Variants in TRPM3 observed in about 807,000 individuals in gnomAD.
The protein encoded by TRPM3 is long transient receptor potential channel 3.
TRPM3 carries 77 observed loss-of-function variants against 181.2 expected under a neutral mutation model. The ratio of observed to expected loss-of-function variants is 0.42; its 90% CI spans 0.35 to 0.51. The LOEUF (loss-of-function observed/expected upper bound fraction) is 0.51, where lower values mean the gene tolerates loss of function less well. TRPM3 is among the 20% of genes least tolerant of loss of function. The pLI is 0.01. For synonymous variants in TRPM3, 745 were observed against 796.4 expected, an observed-to-expected ratio of 0.94 and a Z score of 1.09; for missense variants, 1,759 against 2,196.7, an observed-to-expected ratio of 0.80 and a Z score of 3.98.
intron 1 of TRPM3, among the ~76,000 whole-genome samples, chr9:70,951,758 T>G (rs2133703257): frequency 6.6e-6 from 1 of 152,218 alleles, no homozygotes; most frequent in Non-Finnish European, 1.5e-5. Context: ...AATGCTTGAG[T>G]TTCTGTACTA....
intron 1 of TRPM3, among the ~76,000 whole-genome samples, chr9:71,181,895 T>A (rs904557019): frequency 6.6e-6 from 1 of 152,088 alleles, no homozygotes; most frequent in Admixed American, 6.6e-5. Flanking sequence ...AATCACCTGG[T>A]ATGTTCATTA....
intron 1 of TRPM3, among the ~76,000 whole-genome samples, chr9:70,993,784 CAA>C (rs745913831): frequency 1.0e-4 from 7 of 66,752 alleles, no homozygotes; most frequent in Admixed American, 7.9e-4. Context: ...GATTCCATCT[CAA>C]AAAAAAAAAA....
At chr9:70,953,670 CCCACCAGGTT>C (rs1396644945) in intron 1 of TRPM3, among the ~76,000 whole-genome samples, 1 of 152,064 alleles carries the variant, frequency 6.6e-6, no homozygotes, top group Non-Finnish European at 1.5e-5. Context: ...ACTATCCCTC[CCCACCAGGTT>C]CCAAAGGTAA....
chr9:71,148,751 CA>C (rs2075570494), intron 1 of TRPM3, among the ~76,000 whole-genome samples: 1 of 152,108 alleles, frequency 6.6e-6, no homozygotes, highest in South Asian at 2.1e-4. Context: ...TCTTGAAAGT[CA>C]TAGGGTGAAT....
chr9:71,096,588 A>ACTCTCTCTCT (rs1256142555), intron 1 of TRPM3, among the ~76,000 whole-genome samples: 9 of 96,876 alleles, frequency 9.3e-5, no homozygotes, highest in African/African-American at 1.4e-4. Flanking sequence ...ACACACACAC[A>ACTCTCTCTCT]CACTCTCTCT....
At chr9:71,012,413 T>C (rs1216571829) in intron 1 of TRPM3, among the ~76,000 whole-genome samples, 1 of 151,922 alleles carries the variant, frequency 6.6e-6, no homozygotes, top group Non-Finnish European at 1.5e-5. Context: ...AGTTGTTTTT[T>C]TTTTTTAACA....
At chr9:70,935,804 C>A (rs1337016) in intron 1 of TRPM3, among the ~76,000 whole-genome samples, 1 of 152,026 alleles carries the variant, frequency 6.6e-6, no homozygotes, top group Non-Finnish European at 1.5e-5. Context: ...TTCCCCCAAG[C>A]GCAATCCGTA....
chr9:71,436,278 C>G (rs567308050), intron 1 of TRPM3, among the ~76,000 whole-genome samples: 1 of 149,952 alleles, frequency 6.7e-6, no homozygotes, highest in African/African-American at 2.5e-5. Context: ...TCCGATTAAA[C>G]CTCTCTTTTT....
intron 1 of TRPM3, among the ~76,000 whole-genome samples, chr9:71,413,940 C>T (rs900762229): frequency 6.6e-6 from 1 of 151,442 alleles, no homozygotes; most frequent in Non-Finnish European, 1.5e-5. Context: ...GCATGTTTAT[C>T]TCCTCACTGG....
chr9:71,019,337 A>G (rs535662213), intron 1 of TRPM3, among the ~76,000 whole-genome samples: 1 of 152,054 alleles, frequency 6.6e-6, no homozygotes, highest in Non-Finnish European at 1.5e-5. Flanking sequence ...TATAGAAAAG[A>G]ATTGTAGCAG....
intron 1 of TRPM3, among the ~76,000 whole-genome samples, chr9:71,372,329 T>C (rs1383164351): frequency 6.6e-6 from 1 of 152,222 alleles, no homozygotes; most frequent in Non-Finnish European, 1.5e-5. Flanking sequence ...ATTATTTATA[T>C]TCCTTTGGGT....
At chr9:70,816,717 A>G (rs940963619) in intron 6 of TRPM3, among the ~76,000 whole-genome samples, 1 of 152,232 alleles carries the variant, frequency 6.6e-6, no homozygotes, top group African/African-American at 2.4e-5. Context: ...ATGTGTAACA[A>G]AATATGTGGT....
chr9:70,809,733 C>A (rs2091514410), intron 6 of TRPM3, among the ~76,000 whole-genome samples: 1 of 152,010 alleles, frequency 6.6e-6, no homozygotes, highest in Non-Finnish European at 1.5e-5. Context: ...GTATATGTAA[C>A]CTGTCCAGGG....
chr9:70,924,810 G>A (rs1018579321), intron 1 of TRPM3, among the ~76,000 whole-genome samples: 1 of 152,116 alleles, frequency 6.6e-6, no homozygotes, highest in East Asian at 1.9e-4. Flanking sequence ...CTAATACAAG[G>A]TAGAAAGTTC....
At chr9:70,758,523 G>C (rs1016283060) in intron 8 of TRPM3, among the ~76,000 whole-genome samples, 1 of 152,088 alleles carries the variant, frequency 6.6e-6, no homozygotes, top group African/African-American at 2.4e-5. Context: ...ACATAGCCAA[G>C]ACAATCCTAA....
Position 70,532,731 on chromosome 9 carries a change from C to T in TRPM3, c.*3222G>A, listed in dbSNP as rs1564166254. ...GCACCTTTGAAGCAGATGATTAAAC[C>T]GAAGCTATTACTTCCTTGAGCTCTC... On this transcript the variant is annotated 3_prime_UTR_variant, in exon 26 of 26. Transcript: ENST00000677713. 1.3e-5 allele frequency: 2 copies of T among 152,030 alleles called. No homozygotes were observed. Among genetic ancestry groups the T allele is most frequent in the African/African-American group, 2.4e-5 (1 of 41,394 alleles). The allele number at this position is 152,030 out of a possible 1,614,324, so 9.4% of individuals were successfully genotyped here.
chr9:71,071,030 C>T (rs2062696398), intron 1 of TRPM3, among the ~76,000 whole-genome samples: 1 of 152,176 alleles, frequency 6.6e-6, no homozygotes, highest in African/African-American at 2.4e-5. Flanking sequence ...AGCCTGGTGA[C>T]CTTCAATCTA....
chr9:71,439,621 A>G (rs566794838), intron 1 of TRPM3, among the ~76,000 whole-genome samples: 67 of 152,312 alleles, frequency 4.4e-4, no homozygotes, highest in South Asian at 4.4e-3. Context: ...GGCTCAGGTC[A>G]GAGACTGGGA....
chr9:70,812,198 T>C (rs968470898), intron 6 of TRPM3, among the ~76,000 whole-genome samples: 3 of 152,202 alleles, frequency 2.0e-5, no homozygotes, highest in African/African-American at 7.2e-5. Flanking sequence ...GTTAGATCTC[T>C]AGACCCTAGC....
Sources: allele counts gnomAD v4.1 joint callset (sites outside exome capture counted in the v4.1 genomes callset), GRCh38; gene constraint gnomAD v4.1.1; transcripts MANE v1.5; gene names NCBI Gene and HGNC (gene_info 2026-07-23, HGNC 2026-07-21).